Variants in PRKCI observed in about 807,000 individuals in gnomAD.
PRKCI encodes the protein protein kinase C iota.
A neutral mutation model predicts 84.0 loss-of-function variants in PRKCI; 43 were observed. That is an observed-to-expected ratio of 0.51 (90% CI 0.40 to 0.66). The LOEUF (loss-of-function observed/expected upper bound fraction) is 0.66. Ranked by LOEUF, PRKCI falls within the 30% of genes least tolerant of loss-of-function variation. The pLI is 0.00. For missense variants in PRKCI, 459 were observed against 745.6 expected, an observed-to-expected ratio of 0.62 and a Z score of 4.48; for synonymous variants, 216 against 234.4, an observed-to-expected ratio of 0.92 and a Z score of 0.72.
intron 2 of PRKCI, among the ~76,000 whole-genome samples, chr3:170,259,404 A>G (rs185485432): frequency 5.8e-4 from 89 of 152,296 alleles, no homozygotes; most frequent in Non-Finnish European, 1.1e-3. Flanking sequence ...AAAATTTTAT[A>G]TCTATATACA....
chr3:170,246,873 G>T (rs1279051885), intron 2 of PRKCI, among the ~76,000 whole-genome samples: 1 of 152,072 alleles, frequency 6.6e-6, no homozygotes, highest in Non-Finnish European at 1.5e-5. Flanking sequence ...TTCTGTCTAT[G>T]AATTTACCTA....
chr3:170,282,259 C>G (rs1734266581), intron 11 of PRKCI, among the ~76,000 whole-genome samples: 1 of 152,128 alleles, frequency 6.6e-6, no homozygotes, highest in South Asian at 2.1e-4. Flanking sequence ...AAAACCAATC[C>G]TTTTCAAATA....
chr3:170,229,272 G>A (rs1342473680), intron 1 of PRKCI, among the ~76,000 whole-genome samples: 1 of 152,064 alleles, frequency 6.6e-6, no homozygotes, highest in Non-Finnish European at 1.5e-5. Context: ...TCATTCCAGG[G>A]TAGACAGACC....
intron 1 of PRKCI, among the ~76,000 whole-genome samples, chr3:170,232,284 G>A (rs1483667473): frequency 6.6e-6 from 1 of 152,106 alleles, no homozygotes; most frequent in Admixed American, 6.5e-5. Context: ...CTCCTGTACC[G>A]AAGCGATCCT....
At chr3:170,284,374 T>C in intron 11 of PRKCI, 87 bp from the exon 12 acceptor site, 1 of 1,180,950 alleles carries the variant, frequency 8.5e-7, no homozygotes, top group South Asian at 1.8e-5. Context: ...AAAAAATATG[T>C]TTTAATATGA....
At chr3:170,254,340 T>C (rs1733531896) in intron 2 of PRKCI, among the ~76,000 whole-genome samples, 1 of 152,192 alleles carries the variant, frequency 6.6e-6, no homozygotes, top group African/African-American at 2.4e-5. Flanking sequence ...TTGCTTTGAT[T>C]ACCTGTGATT....
intron 2 of PRKCI, among the ~76,000 whole-genome samples, chr3:170,250,110 CA>C (rs1299142859): frequency 6.8e-6 from 1 of 146,340 alleles, no homozygotes; most frequent in Non-Finnish European, 1.5e-5. Flanking sequence ...TAAAAAAATA[CA>C]AAAACAAAAA....
chr3:170,234,010 C>T (rs916933594), intron 1 of PRKCI, among the ~76,000 whole-genome samples: 4 of 150,302 alleles, frequency 2.7e-5, no homozygotes, highest in Non-Finnish European at 5.9e-5. Context: ...TGTGAGCCAC[C>T]ACACCCAGCC....
intron 2 of PRKCI, among the ~76,000 whole-genome samples, chr3:170,235,565 A>ATTTTTTTTTTTT (rs1577341409): frequency 2.8e-5 from 4 of 140,748 alleles, no homozygotes; most frequent in Non-Finnish European, 6.2e-5. Flanking sequence ...AATTAACTTG[A>ATTTTTTTTTTTT]CTTTTTTTTT....
At chr3:170,250,437 C>A (rs974560531) in intron 2 of PRKCI, among the ~76,000 whole-genome samples, 3 of 100,924 alleles carry the variant, frequency 3.0e-5, no homozygotes, top group Admixed American at 1.0e-4. Flanking sequence ...TACCAACCCC[C>A]CCCCCCCAAA....
At chr3:170,292,002 C>T in intron 13 of PRKCI, 61 bp downstream of exon 13, 2 of 1,154,822 alleles carry the variant, frequency 1.7e-6, no homozygotes, top group Non-Finnish European at 2.6e-6. Flanking sequence ...AAATGTGGTA[C>T]CAATTGCATT....
chr3:170,292,618 G>C (rs1734579737), intron 13 of PRKCI, among the ~76,000 whole-genome samples: 2 of 151,688 alleles, frequency 1.3e-5, no homozygotes, highest in Non-Finnish European at 1.5e-5. Context: ...AAGGAGGCAG[G>C]AGAATGGCGT....
chr3:170,269,151 G>A (rs759093949), intron 5 of PRKCI, among the ~76,000 whole-genome samples: 6 of 152,146 alleles, frequency 3.9e-5, no homozygotes, highest in East Asian at 1.9e-4. Context: ...CTGACCTCGC[G>A]TGATCCGTCC....
chr3:170,280,230 A>G lies in PRKCI; in HGVS notation c.709A>G (p.Met237Val), dbSNP rs747042200. 1.7e-5 allele frequency: 27 copies of G among 1,609,792 alleles called. No individual in the cohort carries two copies. The highest frequency in any genetic ancestry group is 8.4e-5 in the Admixed American group (5 of 59,390). The stretch of plus-strand genomic sequence containing the variant: ...CTGATACAAATGTTCTCAACAGGCA[A>G]TGAACACCAGGGAAAGTGGCAAAGC... ...LDQVGEEKEA[M>V]NTRESGKASS... Residue 237 changes from methionine to valine, a missense_variant, in exon 9 of 18, where the codon ATG becomes GTG. By Grantham distance (21) the Met-to-Val change is conservative. Transcript: ENST00000295797.
Position 170,296,017 on chromosome 3 carries a change from G to T in PRKCI, c.1497+27G>T, listed in dbSNP as rs777688893. On this transcript the variant is annotated intron_variant, in intron 15 of 17. Coordinates refer to ENST00000295797, the MANE Select transcript of PRKCI (RefSeq NM_002740.6). ...TATAAATTGTGTATAAGAATATTTTGTGATTTGTCTCTTTCTATATATATC... is the reference window on the plus strand; with the variant it reads ...TATAAATTGTGTATAAGAATATTTTTTGATTTGTCTCTTTCTATATATATC... 2.2e-6 allele frequency: 3 copies of T among 1,351,060 alleles called. No homozygotes were observed. In the Admixed American group the frequency reaches 6.2e-5, roughly 28 times the overall value. The allele number at this position is 1,351,060 out of a possible 1,614,324, so 83.7% of individuals were successfully genotyped here.
chr3:170,239,237 A>C (rs1733058282), intron 2 of PRKCI, among the ~76,000 whole-genome samples: 1 of 152,162 alleles, frequency 6.6e-6, no homozygotes, highest in African/African-American at 2.4e-5. Context: ...ATTAAGAGGA[A>C]AGTTGAGTAT....
intron 16 of PRKCI, among the ~76,000 whole-genome samples, chr3:170,298,714 ATT>A (rs990876320): frequency 6.6e-6 from 1 of 151,688 alleles, no homozygotes; most frequent in African/African-American, 2.4e-5. Flanking sequence ...CCAATTTTTA[ATT>A]TTTTTATAGA....
intron 17 of PRKCI, among the ~76,000 whole-genome samples, chr3:170,301,244 C>T (rs1157599518): frequency 1.3e-5 from 2 of 152,250 alleles, no homozygotes; most frequent in East Asian, 1.9e-4. Flanking sequence ...GTTTGAATCC[C>T]GATGCCACCT....
chr3:170,267,114 G>C (rs541914607), intron 4 of PRKCI, among the ~76,000 whole-genome samples: 18 of 152,244 alleles, frequency 1.2e-4, no homozygotes, highest in African/African-American at 4.1e-4. Context: ...AGGTAGAATT[G>C]GGTGGCGGGG....
Sources: allele counts gnomAD v4.1 joint callset (sites outside exome capture counted in the v4.1 genomes callset), GRCh38; gene constraint gnomAD v4.1.1; transcripts MANE v1.5; gene names NCBI Gene and HGNC (gene_info 2026-07-23, HGNC 2026-07-21).